NT5DC2: variants seen among roughly 807,000 people sequenced by gnomAD.
NT5DC2 encodes 5'-nucleotidase domain-containing protein 2.
NT5DC2 carries 41 observed loss-of-function variants against 70.0 expected under a neutral mutation model. The ratio of observed to expected loss-of-function variants is 0.59; its 90% confidence interval spans 0.46 to 0.76. The LOEUF (loss-of-function observed/expected upper bound fraction) is 0.76, where lower values mean the gene tolerates loss of function less well. Ranked by LOEUF, NT5DC2 falls within the 30% of genes least tolerant of loss-of-function variation. The probability of loss-of-function intolerance (pLI) is 0.00; values close to 1 mark genes in which losing one functional copy is unlikely to be tolerated. For missense variants in NT5DC2, 705 were observed against 783.2 expected (o/e 0.90, Z 1.19); for synonymous variants, 299 against 310.4 (o/e 0.96, Z 0.39).
intron 1 of NT5DC2, chr3:52,532,192 C>G: frequency 1.0e-6 from 1 of 985,448 alleles, no homozygotes; most frequent in Non-Finnish European, 1.2e-6. Context: ...TGACTTTGCT[C>G]CTTGTATGAC....
Position 52,524,699 on chromosome 3 carries a change from A to C in NT5DC2, c.1445T>G (p.Phe482Cys). 1 of 1,612,740 alleles carries C rather than the reference A, an allele frequency of 6.2e-7. No individual in the cohort carries two copies. The highest frequency in any genetic ancestry group is 2.2e-5 in the East Asian group (1 of 44,876). The change falls in exon 14 of 14, where the codon TTC (phenylalanine) becomes TGC (cysteine). Residue 482 changes from phenylalanine to cysteine, a missense_variant. Physicochemically the swap from Phe to Cys is radical, Grantham distance 205 (BLOSUM62 -2). Coordinates refer to ENST00000422318, the MANE Select transcript of NT5DC2 (RefSeq NM_001134231.2). ...CITKALFNAQ[F>C]GSIFRTFHNP... The stretch of plus-strand genomic sequence containing the variant: ...GTGGAAGGTGCGGAAGATGCTGCCG[A>C]ACTGCGCATTGAACAGGGCCTTGGT...
chr3:52,528,694 TG>T lies in NT5DC2; in HGVS notation c.493-3del. The T allele has an allele frequency of 1.2e-6, 2 of 1,601,360 alleles. No homozygotes were observed. Among genetic ancestry groups the T allele is most frequent in the South Asian group, 1.1e-5 (1 of 89,588 alleles). ...GGCGTCAATCTTCATCAGAAGGCTC[TG>T]GGGGCGCCAGGGAGGCAGGACGGAT... On this transcript the variant is annotated splice_polypyrimidine_tract_variant and splice_region_variant and intron_variant, in intron 3 of 13. Coordinates refer to ENST00000422318, the MANE Select transcript of NT5DC2 (RefSeq NM_001134231.2).
At position 52,528,685 on chromosome 3, in the gene NT5DC2, A is replaced by G. The variant is rs775988030; in HGVS notation, c.500T>C (p.Leu167Pro). 6.3e-7 allele frequency: 1 copy of G among 1,599,036 alleles called. No homozygotes were observed. The highest frequency in any genetic ancestry group is 8.5e-7 in the Non-Finnish European group (1 of 1,173,048). Residue 167 changes from leucine (L) to proline (P), a missense_variant, in exon 4 of 14, where the codon CTG becomes CCG. Leu to Pro is a moderately conservative substitution (Grantham distance 98). Coordinates refer to ENST00000422318, the MANE Select transcript of NT5DC2 (RefSeq NM_001134231.2). ...GTAGTGGAAGGCGTCAATCTTCATC[A>G]GAAGGCTCTGGGGGCGCCAGGGAGG... ...GLHYDIQKSL[L>P]MKIDAFHYVQ...
chr3:52,527,748 G>C, intron 8 of NT5DC2, 30 bp from the exon 9 acceptor site: 1 of 1,612,500 alleles, frequency 6.2e-7, no homozygotes, highest in Non-Finnish European at 8.5e-7. Flanking sequence ...GTGGCAAGTA[G>C]TCTGAGGGCG....
upstream of NT5DC2, chr3:52,534,366 A>G (rs2079402268): frequency 9.2e-7 from 1 of 1,086,854 alleles, no homozygotes; most frequent in African/African-American, 1.6e-5. Flanking sequence ...TAACAAATAA[A>G]GAGCCCTTCC....
chr3:52,528,630 G>A lies in NT5DC2; in HGVS notation c.548+7C>T, dbSNP rs376185768. On this transcript the variant is annotated splice_region_variant and intron_variant, in intron 4 of 13. Coordinates refer to ENST00000422318, the MANE Select transcript of NT5DC2 (RefSeq NM_001134231.2). The stretch of plus-strand genomic sequence containing the variant: ...GCGGGGGTGGGGTTGGGGCAGAGCC[G>A]ACTGACCTGTAGGCTGTCCCCAGCT... 12 of 1,577,872 alleles carry A rather than the reference G, an allele frequency of 7.6e-6. No individual in the cohort carries two copies. The highest frequency in any genetic ancestry group is 2.3e-5 in the East Asian group (1 of 42,996).
chr3:52,526,990 C>A (rs1231012845), intron 10 of NT5DC2, among the ~76,000 whole-genome samples: 2 of 152,222 alleles, frequency 1.3e-5, no homozygotes, highest in South Asian at 2.1e-4. Flanking sequence ...AGCTTTATAC[C>A]ACAGCTTCAG....
chr3:52,532,666 G>A (rs7636227), intron 1 of NT5DC2, among the ~76,000 whole-genome samples: 87,698 of 151,750 alleles, frequency 0.58, 25,781 homozygotes, highest in African/African-American at 0.65. Flanking sequence ...GGGACAGAGA[G>A]GCCCCAGGAC....
At chr3:52,525,685 C>T (rs1375469246) in intron 10 of NT5DC2, 1 of 189,468 alleles carries the variant, frequency 5.3e-6, no homozygotes, top group Non-Finnish European at 1.1e-5. Flanking sequence ...TGGCAGACCT[C>T]ACCGGGGCCA....
At chr3:52,534,207 T>C (rs1314477703), upstream of NT5DC2, 12 of 400,602 alleles carry the variant, frequency 3.0e-5, no homozygotes, top group Admixed American at 1.6e-4. Flanking sequence ...CCGCCCGCCC[T>C]ACCCTGCGCC....
rs2079321566 is a variant in NT5DC2 at position 52,528,917 on chromosome 3, T to G, written c.436A>C (p.Lys146Gln). 6.2e-7 allele frequency: 1 copy of G among 1,613,932 alleles called. No homozygotes were observed. The highest frequency in any genetic ancestry group is 1.1e-5 in the South Asian group (1 of 91,090). Residue 146 changes from lysine to glutamine, a missense_variant, in exon 3 of 14, where the codon AAG becomes CAG. Transcript: ENST00000422318. ...GCAAAGCTGGGGTTGTAGTCATACT[T>G]CCGAATCCCTTCTGGGTACTGCCGG... ...EHYKYPEGIR[K>Q]YDYNPSFAIR...
At chr3:52,525,157 G>A (rs969262796) in intron 11 of NT5DC2, 52 bp downstream of exon 11, 3 of 1,511,966 alleles carry the variant, frequency 2.0e-6, no homozygotes, top group South Asian at 2.4e-5. Context: ...GGGGCGGGGG[G>A]GGGGGGGTTT....
In NT5DC2 at chr3:52,529,386, C is replaced by G. The variant is rs777382418; in HGVS notation, c.233-52G>C. ...GTGATGGGGATGATGATCCCTGCAG[C>G]AGCTATGGCTCCTGAGCACTCTGTG... On this transcript the variant is annotated intron_variant, in intron 1 of 13. Transcript: ENST00000422318. This position sits in a 1 kb window ranked among gnomAD's most constrained non-coding sequence, Gnocchi z 4.1. 19 of 1,562,750 alleles carry G rather than the reference C, an allele frequency of 1.2e-5. No individual in the cohort carries two copies. Among genetic ancestry groups the G allele is most frequent in the Non-Finnish European group, 1.6e-5 (18 of 1,142,884 alleles).
At chr3:52,530,340 G>A (rs1245236303) in intron 1 of NT5DC2, among the ~76,000 whole-genome samples, 2 of 152,194 alleles carry the variant, frequency 1.3e-5, no homozygotes, top group South Asian at 2.1e-4. Context: ...GTCCCAAGGA[G>A]GCAGATGGGG....
intron 1 of NT5DC2, chr3:52,532,485 T>G (rs1273683504): frequency 1.0e-6 from 1 of 985,182 alleles, no homozygotes; most frequent in Non-Finnish European, 1.2e-6. Context: ...GGTCAAGAAG[T>G]GATTCTCCGC....
At chr3:52,530,444 C>G (rs1016346810) in intron 1 of NT5DC2, among the ~76,000 whole-genome samples, 1 of 152,164 alleles carries the variant, frequency 6.6e-6, no homozygotes, top group African/African-American at 2.4e-5. Flanking sequence ...GCTAGGAAGG[C>G]CACATGCAAT....
rs2153237345 is a variant in NT5DC2 at position 52,528,467 on chromosome 3, C to T, written c.621G>A (p.Gln207=). The change falls in exon 5 of 14, where the codon CAG becomes CAA. Residue 207 remains glutamine (Q), a synonymous_variant. Coordinates refer to ENST00000422318, the MANE Select transcript of NT5DC2 (RefSeq NM_001134231.2). ...GTACCTTGCCATAGAAGCCACTCAT[C>T]TGGTATAGTGGGATGTGCTGGGTAC... ...YGGTQHIPLY[Q]MSGFYGKGPS... 2 of 1,613,766 alleles carry T rather than the reference C, an allele frequency of 1.2e-6. No homozygotes were observed. Among genetic ancestry groups the T allele is most frequent in the Non-Finnish European group, 1.7e-6 (2 of 1,180,018 alleles).
In NT5DC2 at chr3:52,529,152, TGTA is replaced by T. The variant is rs1559739578; in HGVS notation, c.412_414del (p.Tyr138del). 1 of 1,613,902 alleles carries T rather than the reference TGTA, an allele frequency of 6.2e-7. No individual in the cohort carries two copies. ...GGTGGCAAGGACCCCCGTCTCACCT[TGTA>T]GTGCTCGATCAGGATGTCACGGGCG... On this transcript the variant is annotated inframe_deletion, in exon 2 of 14. Coordinates refer to ENST00000422318, the MANE Select transcript of NT5DC2 (RefSeq NM_001134231.2). This position sits in a 1 kb window ranked among gnomAD's most constrained non-coding sequence, Gnocchi z 4.1.
At chr3:52,534,552 C>T (rs1015989115), upstream of NT5DC2, 6 of 1,613,432 alleles carry the variant, frequency 3.7e-6, no homozygotes, top group African/African-American at 8.0e-5. Context: ...CCCGGTTTCC[C>T]GGCGCACGCC....
Sources: allele counts gnomAD v4.1 joint callset (sites outside exome capture counted in the v4.1 genomes callset), GRCh38; gene constraint gnomAD v4.1.1; non-coding constraint Gnocchi (gnomAD v3.1); transcripts MANE v1.5; gene names NCBI Gene and HGNC (gene_info 2026-07-23, HGNC 2026-07-21).